TMEM26: variants seen among roughly 807,000 people sequenced by gnomAD.
TMEM26 encodes transmembrane protein 26.
TMEM26 carries 38 observed loss-of-function variants against 28.8 expected under a neutral mutation model. That is an observed-to-expected ratio of 1.32 (90% CI 1.02 to 1.73). The LOEUF (loss-of-function observed/expected upper bound fraction) is 1.73. Among genes scored for constraint, TMEM26 ranks in the 40% most tolerant of loss-of-function variants. TMEM26 has a pLI of 0.00. For synonymous variants in TMEM26, 227 were observed against 182.9 expected (o/e 1.24, Z -1.95); for missense variants, 518 against 447.1 (o/e 1.16, Z -1.43).
chr10:61,423,782 G>A (rs778545704), intron 4 of TMEM26, among the ~76,000 whole-genome samples: 19 of 152,118 alleles, frequency 1.2e-4, no homozygotes, highest in Non-Finnish European at 2.4e-4. Flanking sequence ...TTTATCTCAG[G>A]AAGTCAAGGT....
Position 61,409,995 on chromosome 10 carries a change from G to A in TMEM26, c.*327C>T, listed in dbSNP as rs1477834089. 3 of 260,486 alleles carry A rather than the reference G, an allele frequency of 1.2e-5. No individual in the cohort carries two copies. The highest frequency in any genetic ancestry group is 2.2e-5 in the Non-Finnish European group (3 of 137,168). The allele number at this position is 260,486 out of a possible 1,614,324, so 16.1% of individuals were successfully genotyped here. ...TTCTCTATTTCCAGGTAACAGCCGC[G>A]ACAGTTGGTCTGCACCAAATCTTTC... On this transcript the variant is annotated 3_prime_UTR_variant, in exon 6 of 6. Coordinates refer to ENST00000399298, the MANE Select transcript of TMEM26 (RefSeq NM_178505.8).
At chr10:61,416,471 T>A (rs1839654206) in intron 4 of TMEM26, among the ~76,000 whole-genome samples, 1 of 152,014 alleles carries the variant, frequency 6.6e-6, no homozygotes, top group Non-Finnish European at 1.5e-5. Flanking sequence ...TAATAATAAT[T>A]ACTGGATTAT....
At chr10:61,419,119 A>T (rs1309615317) in intron 4 of TMEM26, among the ~76,000 whole-genome samples, 1 of 152,134 alleles carries the variant, frequency 6.6e-6, no homozygotes, top group Non-Finnish European at 1.5e-5. Flanking sequence ...CCAAGGAGAG[A>T]TACATTCCTC....
chr10:61,442,065 A>G (rs2135328853), intron 1 of TMEM26, among the ~76,000 whole-genome samples: 1 of 151,990 alleles, frequency 6.6e-6, no homozygotes, highest in South Asian at 2.1e-4. Flanking sequence ...TGAAATATGT[A>G]TATATATATA....
chr10:61,416,367 T>C (rs539699296), intron 4 of TMEM26, among the ~76,000 whole-genome samples: 1 of 152,222 alleles, frequency 6.6e-6, no homozygotes, highest in African/African-American at 2.4e-5. Context: ...GAGATTCTAA[T>C]TCCAGATTGA....
intron 1 of TMEM26, among the ~76,000 whole-genome samples, chr10:61,438,631 G>GA (rs1399864333): frequency 2.6e-5 from 4 of 152,032 alleles, no homozygotes; most frequent in East Asian, 1.9e-4. Context: ...TCTATAATTG[G>GA]AAAAAAGTAC....
intron 4 of TMEM26, among the ~76,000 whole-genome samples, chr10:61,426,835 C>G (rs1409081998): frequency 2.6e-5 from 4 of 151,980 alleles, no homozygotes; most frequent in African/African-American, 9.7e-5. Flanking sequence ...TTAAGGGTCT[C>G]CTTCTTTGAA....
intron 2 of TMEM26, among the ~76,000 whole-genome samples, chr10:61,435,758 T>C (rs1274754001): frequency 6.6e-6 from 1 of 152,198 alleles, no homozygotes; most frequent in Non-Finnish European, 1.5e-5. Context: ...GTTTTTGAAA[T>C]TCCTAAAAGT....
intron 4 of TMEM26, among the ~76,000 whole-genome samples, chr10:61,426,246 G>T (rs1381564842): frequency 6.6e-6 from 1 of 151,986 alleles, no homozygotes; most frequent in Non-Finnish European, 1.5e-5. Flanking sequence ...GAGACATAAA[G>T]GATATCAGTG....
At chr10:61,413,726 A>C in intron 4 of TMEM26, 191 bp from the exon 5 acceptor site, 3 of 1,280,750 alleles carry the variant, frequency 2.3e-6, no homozygotes, top group Non-Finnish European at 9.9e-7. Context: ...AAAATAAATA[A>C]TCTGAGACTT....
intron 2 of TMEM26, among the ~76,000 whole-genome samples, chr10:61,434,146 T>G (rs1256584239): frequency 6.6e-6 from 1 of 152,176 alleles, no homozygotes; most frequent in African/African-American, 2.4e-5. Context: ...TTCCAATACT[T>G]TTTTTCTCTC....
chr10:61,452,174 A>C (rs2135344314), intron 1 of TMEM26, among the ~76,000 whole-genome samples: 1 of 152,294 alleles, frequency 6.6e-6, no homozygotes, highest in South Asian at 2.1e-4. Flanking sequence ...TCGGGGAGGA[A>C]ATAAGCACCA....
chr10:61,410,728 G>C lies in TMEM26; in HGVS notation c.701C>G (p.Pro234Arg). 2.5e-6 allele frequency: 4 copies of C among 1,614,002 alleles called. No homozygotes were observed. The highest frequency in any genetic ancestry group is 3.4e-6 in the Non-Finnish European group (4 of 1,180,006). Reference sequence around the variant, plus strand: ...GAATCCCCTCTCTGTCACAGACACAGGGCACACAACGTTCTGTACTGAAAA... The same window carrying C: ...GAATCCCCTCTCTGTCACAGACACACGGCACACAACGTTCTGTACTGAAAA... The part of the protein sequence containing the change: ...LDLAVQNVVC[P>R]VSVTERGFPS... Residue 234 changes from proline (P) to arginine (R), a missense_variant, in exon 6 of 6, where the codon CCT (proline) becomes CGT (arginine). Pro to Arg is a moderately radical substitution (Grantham distance 103). Transcript: ENST00000399298.
intron 1 of TMEM26, among the ~76,000 whole-genome samples, chr10:61,443,237 G>C (rs1009496718): frequency 3.3e-5 from 5 of 151,626 alleles, no homozygotes; most frequent in Non-Finnish European, 7.4e-5. Flanking sequence ...CGGATAACAA[G>C]GTCAGGAGAT....
chr10:61,416,182 A>G (rs1839649326), intron 4 of TMEM26: 1 of 418,728 alleles, frequency 2.4e-6, no homozygotes, highest in Non-Finnish European at 4.7e-6. Flanking sequence ...TGCAAAAGAA[A>G]TTTTTCACAA....
chr10:61,442,645 T>C (rs545982861), intron 1 of TMEM26, among the ~76,000 whole-genome samples: 14 of 152,364 alleles, frequency 9.2e-5, no homozygotes, highest in Admixed American at 2.6e-4. Flanking sequence ...AGATTTTGCA[T>C]GTCCTCCGTA....
At chr10:61,425,975 A>T (rs926893212) in intron 4 of TMEM26, among the ~76,000 whole-genome samples, 1 of 152,178 alleles carries the variant, frequency 6.6e-6, no homozygotes, top group Non-Finnish European at 1.5e-5. Context: ...AGCCAGGCAA[A>T]AGTCTGTCAG....
rs1385469245 is a variant in TMEM26, at chr10:61,413,552, A to T, written c.606-17T>A. On this transcript the variant is annotated splice_polypyrimidine_tract_variant and intron_variant, in intron 4 of 5. Coordinates refer to ENST00000399298, the MANE Select transcript of TMEM26 (RefSeq NM_178505.8). The stretch of plus-strand genomic sequence containing the variant: ...GGACTATTCCTAGAATACAGACAAA[A>T]TGTTAAATTTGTAATAAAAAGTATG... 2 of 1,583,028 alleles carry T rather than the reference A, an allele frequency of 1.3e-6. No homozygotes were observed. The highest frequency in any genetic ancestry group is 1.7e-6 in the Non-Finnish European group (2 of 1,167,614).
rs1203074527 is a variant in TMEM26 at position 61,410,748 on chromosome 10, T to C, written c.683-2A>G. 4 of 1,613,196 alleles carry C rather than the reference T, an allele frequency of 2.5e-6. No individual in the cohort carries two copies. Among genetic ancestry groups the C allele is most frequent in the East Asian group, 2.2e-5 (1 of 44,854 alleles). ...ACACAGGGCACACAACGTTCTGTAC[T>C]GAAAACACAAGACAGACTAGTTACT... On this transcript the variant is annotated splice_acceptor_variant, in intron 5 of 5. Coordinates refer to ENST00000399298, the MANE Select transcript of TMEM26 (RefSeq NM_178505.8). LOFTEE classifies it high-confidence loss of function.
Sources: gnomAD v4.1 joint callset for allele counts (sites outside exome capture counted in the v4.1 genomes callset) on GRCh38, gnomAD v4.1.1 for gene constraint, MANE v1.5 for transcripts, NCBI Gene and HGNC (gene_info 2026-07-23, HGNC 2026-07-21) for gene names.